The following FXYD6 variants were observed in gnomAD, a reference collection of about 807,000 sequenced individuals.
FXYD6 encodes the protein FXYD domain-containing ion transport regulator 6.
A neutral mutation model predicts 16.7 loss-of-function variants in FXYD6; 7 were observed. The observed-to-expected ratio is 0.42, with a 90% confidence interval of 0.24 to 0.79. The LOEUF is 0.79. FXYD6 is among the 30% of genes least tolerant of loss of function. The pLI, the probability that FXYD6 is intolerant of heterozygous loss-of-function variation, is 0.28. For missense variants in FXYD6, 111 were observed against 116.2 expected, an observed-to-expected ratio of 0.95 and a Z score of 0.21; for synonymous variants, 49 against 43.0, an observed-to-expected ratio of 1.14 and a Z score of -0.54.
intron 1 of FXYD6, among the ~76,000 whole-genome samples, chr11:117,857,941 G>A (rs1168683054): frequency 1.3e-5 from 2 of 152,140 alleles, no homozygotes; most frequent in Non-Finnish European, 2.9e-5. Context: ...GGGACCTGGG[G>A]GAGTGGTCAG....
intron 1 of FXYD6, among the ~76,000 whole-genome samples, chr11:117,871,233 C>T (rs1004905715): frequency 1.3e-5 from 2 of 152,086 alleles, no homozygotes; most frequent in African/African-American, 4.8e-5. Context: ...AGGTGACGCA[C>T]GGTAATAAAG....
chr11:117,845,585 G>T (rs546458955), intron 1 of FXYD6, among the ~76,000 whole-genome samples: 2 of 152,250 alleles, frequency 1.3e-5, no homozygotes, highest in East Asian at 3.9e-4. Context: ...ATTCCATTGT[G>T]CAGGTAAATG....
chr11:117,852,602 A>C (rs947336758), intron 1 of FXYD6, among the ~76,000 whole-genome samples: 2 of 152,296 alleles, frequency 1.3e-5, no homozygotes, highest in East Asian at 3.9e-4. Context: ...CACAAGTCTG[A>C]AACACAACAT....
rs541593341 is a variant in FXYD6, at chr11:117,838,037, A to G, written c.*262T>C. On this transcript the variant is annotated 3_prime_UTR_variant, in exon 8 of 8. Coordinates refer to ENST00000526014, the MANE Select transcript of FXYD6 (RefSeq NM_022003.4). ...CAAAGACCACAGTTAGCAAACACACACAGTCACACACACACACACACACAC... is the reference window on the plus strand; with the variant it reads ...CAAAGACCACAGTTAGCAAACACACGCAGTCACACACACACACACACACAC... 153 of 607,814 alleles carry G rather than the reference A, an allele frequency of 2.5e-4. 2 individuals are homozygous for G. The African/African-American group carries it at 2.9e-3, about 11-fold the overall frequency. The allele number at this position is 607,814 out of a possible 1,614,324, so 37.7% of individuals were successfully genotyped here.
At position 117,839,842 on chromosome 11, in the gene FXYD6, A is replaced by C; in HGVS notation, c.260-12T>G. On this transcript the variant is annotated splice_polypyrimidine_tract_variant and intron_variant, in intron 6 of 7. Transcript: ENST00000526014. ...CTGGGGCTCTGTTGCTGGAAAGAAAACCAGAATGGATTATAGTGTATAGAC... is the reference window on the plus strand; with the variant it reads ...CTGGGGCTCTGTTGCTGGAAAGAAACCCAGAATGGATTATAGTGTATAGAC... 1 of 1,614,104 alleles carries C rather than the reference A, an allele frequency of 6.2e-7. No individual in the cohort carries two copies. Among genetic ancestry groups the C allele is most frequent in the Non-Finnish European group, 8.5e-7 (1 of 1,180,000 alleles).
intron 2 of FXYD6, 62 bp downstream of exon 2, chr11:117,842,657 C>T (rs1486679563): frequency 3.3e-6 from 5 of 1,527,114 alleles, no homozygotes; most frequent in African/African-American, 2.8e-5. Flanking sequence ...CAGAACCTTC[C>T]AGCAGAGAGG....
intron 6 of FXYD6, 53 bp downstream of exon 6, chr11:117,840,266 G>A (rs2056307312): frequency 2.5e-6 from 4 of 1,612,220 alleles, no homozygotes; most frequent in Non-Finnish European, 3.4e-6. Flanking sequence ...GAGCCACAGA[G>A]GGGTCTCTCT....
chr11:117,841,839 G>A lies in FXYD6; in HGVS notation c.124C>T (p.Leu42=), dbSNP rs369862635. Residue 42 remains leucine (L), a synonymous_variant, in exon 4 of 8, where the codon CTG becomes TTG. Transcript: ENST00000526014. ...YDYQTLRIGG[L]VFAVVLFSVG... ...GAGAAGAGGACCACAGCGAACACCA[G>A]TCCCCCAATCCTCAGGGTCTGGTAA... 2.1e-5 allele frequency: 34 copies of A among 1,613,974 alleles called. 1 individual carries two copies. The highest frequency in any genetic ancestry group is 2.7e-5 in the Non-Finnish European group (32 of 1,180,006).
intron 1 of FXYD6, among the ~76,000 whole-genome samples, chr11:117,871,129 T>C (rs1270886281): frequency 6.6e-6 from 1 of 152,188 alleles, no homozygotes; most frequent in South Asian, 2.1e-4. Context: ...GGAATCAGCC[T>C]CTCTCCTTTG....
rs568514171 is a variant in FXYD6 at position 117,864,919 on chromosome 11, C to T, written c.-6+11673G>A. Among the ~76,000 whole-genome samples the T allele has an allele frequency of 2.0e-5, 3 of 152,178 alleles. No individual in the cohort carries two copies. The South Asian group carries it at 6.2e-4, about 32-fold the overall frequency. On this transcript the variant is annotated intron_variant, in intron 1 of 7. Coordinates refer to ENST00000526014, the MANE Select transcript of FXYD6 (RefSeq NM_022003.4). ...GACTTTATAAAAATGTAAAAATGTG[C>T]ATCAAAAGACACAATCAACAGATCA...
intron 1 of FXYD6, among the ~76,000 whole-genome samples, chr11:117,852,344 G>A (rs4537792): frequency 0.91 from 138,504 of 152,326 alleles, 63,108 homozygotes; most frequent in East Asian, 1. Context: ...GTCTGTGATC[G>A]TTTGTTATGC....
chr11:117,865,777 A>G (rs2057000195), intron 1 of FXYD6, among the ~76,000 whole-genome samples: 1 of 152,174 alleles, frequency 6.6e-6, no homozygotes, highest in South Asian at 2.1e-4. Flanking sequence ...ATACAAAAAA[A>G]TTAGCCGGGC....
At chr11:117,847,501 C>T (rs1328512094) in intron 1 of FXYD6, among the ~76,000 whole-genome samples, 1 of 150,048 alleles carries the variant, frequency 6.7e-6, no homozygotes, top group Non-Finnish European at 1.5e-5. Context: ...TCTCCTAATG[C>T]TATCCCTCCC....
At chr11:117,867,670 C>T (rs1408307522) in intron 1 of FXYD6, among the ~76,000 whole-genome samples, 1 of 152,152 alleles carries the variant, frequency 6.6e-6, no homozygotes, top group Non-Finnish European at 1.5e-5. Context: ...CCTCCAGTAT[C>T]TTCTCATTAC....
At chr11:117,876,987 T>C (rs1302459776), upstream of FXYD6, 6 of 152,248 alleles carry the variant, frequency 3.9e-5, no homozygotes, top group Admixed American at 3.3e-4. Flanking sequence ...CGAGGAGGCG[T>C]GCAAGCGCCG....
intron 1 of FXYD6, among the ~76,000 whole-genome samples, chr11:117,875,971 G>T (rs1373019871): frequency 6.6e-6 from 1 of 152,118 alleles, no homozygotes; most frequent in Non-Finnish European, 1.5e-5. Context: ...GGACCCCAGG[G>T]CCCCCCGGAA....
chr11:117,872,308 A>G lies in FXYD6; in HGVS notation c.-6+4284T>C. 6.6e-6 allele frequency among the ~76,000 whole-genome samples: 1 copy of G among 152,062 alleles called. No homozygotes were observed. Among genetic ancestry groups the G allele is most frequent in the Non-Finnish European group, 1.5e-5 (1 of 67,986 alleles). On this transcript the variant is annotated intron_variant, in intron 1 of 7. Transcript: ENST00000526014. This position sits in a 1 kb window ranked among gnomAD's most constrained non-coding sequence, Gnocchi z 4.9. Reference sequence around the variant, plus strand: ...AGAGTGTAAGTGCACCCGTGATTGCATGGAGGGGCTCTTCCTATGGAGGAA... The same window carrying G: ...AGAGTGTAAGTGCACCCGTGATTGCGTGGAGGGGCTCTTCCTATGGAGGAA...
chr11:117,838,030 AAC>A lies in FXYD6; in HGVS notation c.*267_*268del. On this transcript the variant is annotated 3_prime_UTR_variant, in exon 8 of 8. Transcript: ENST00000526014. Reference sequence around the variant, plus strand: ...GTAGCCACAAAGACCACAGTTAGCAAACACACACAGTCACACACACACACACA... The same window carrying A: ...GTAGCCACAAAGACCACAGTTAGCAAACACACAGTCACACACACACACACA... The A allele has an allele frequency of 3.3e-6, 2 of 609,022 alleles. No individual in the cohort carries two copies. The highest frequency in any genetic ancestry group is 1.9e-5 in the South Asian group (1 of 53,438). 37.7% of individuals were successfully genotyped at this position (609,022 alleles called of 1,614,324 possible).
chr11:117,856,192 G>T (rs1276926078), intron 1 of FXYD6, among the ~76,000 whole-genome samples: 1 of 152,126 alleles, frequency 6.6e-6, no homozygotes, highest in Non-Finnish European at 1.5e-5. Context: ...TCACTTAATT[G>T]CTGGGTAAAA....
Sources: allele counts gnomAD v4.1 joint callset (sites outside exome capture counted in the v4.1 genomes callset), GRCh38; gene constraint gnomAD v4.1.1; non-coding constraint Gnocchi (gnomAD v3.1); transcripts MANE v1.5; gene names NCBI Gene and HGNC (gene_info 2026-07-23, HGNC 2026-07-21).